The following PRRC2C variants were observed in gnomAD, a reference collection of about 807,000 sequenced individuals.
The protein encoded by PRRC2C is protein PRRC2C.
PRRC2C carries 72 observed loss-of-function variants against 317.2 expected under a neutral mutation model. The observed-to-expected ratio is 0.23, with a 90% CI of 0.19 to 0.28. PRRC2C has a LOEUF of 0.28. Among genes scored for constraint, PRRC2C ranks in the 10% least tolerant of loss-of-function variants. The pLI, the probability that PRRC2C is intolerant of heterozygous loss-of-function variation, is 1.00. For missense variants in PRRC2C, 3,074 were observed against 3,459.7 expected, an observed-to-expected ratio of 0.89 and a Z score of 2.80; for synonymous variants, 1,296 against 1,205.9, an observed-to-expected ratio of 1.07 and a Z score of -1.55.
chr1:171,513,598 T>A, intron 3 of PRRC2C: 1 of 341,054 alleles, frequency 2.9e-6, no homozygotes, highest in Non-Finnish European at 5.8e-6. Flanking sequence ...TTGTATATAC[T>A]GTAGCAAGAA....
rs773686748 is a variant in PRRC2C at position 171,541,174 on chromosome 1, G to T, written c.3708G>T (p.Gly1236=). Residue 1236 remains glycine (G), a synonymous_variant, in exon 16 of 35, where the codon GGG becomes GGT. Transcript: ENST00000647382. The surrounding 1 kb of genome is among the most constrained non-coding windows in gnomAD (Gnocchi z 4.1). ...CAAGAGCAGAGCATATACCCTCAGGGCCTCTCAGACAGCGAGAAGAAAGTG... is the reference window on the plus strand; with the variant it reads ...CAAGAGCAGAGCATATACCCTCAGGTCCTCTCAGACAGCGAGAAGAAAGTG... ...NKPRAEHIPS[G]PLRQREESET... 8 of 1,612,948 alleles carry T rather than the reference G, an allele frequency of 5.0e-6. No homozygotes were observed. The South Asian group carries it at 8.8e-5, about 18-fold the overall frequency.
intron 3 of PRRC2C, 142 bp from the exon 4 acceptor site, chr1:171,514,394 C>T: frequency 1.6e-6 from 1 of 643,918 alleles, no homozygotes; most frequent in Non-Finnish European, 2.7e-6. Flanking sequence ...AGGAATGTTG[C>T]AGAGAGAAAA....
At chr1:171,505,884 C>T (rs1670081611) in intron 1 of PRRC2C, among the ~76,000 whole-genome samples, 1 of 152,154 alleles carries the variant, frequency 6.6e-6, no homozygotes, top group Non-Finnish European at 1.5e-5. Context: ...TTACTGTACG[C>T]TTTCTATGTT....
intron 24 of PRRC2C, among the ~76,000 whole-genome samples, chr1:171,571,977 G>A (rs928679623): frequency 6.6e-6 from 1 of 151,684 alleles, no homozygotes; most frequent in Non-Finnish European, 1.5e-5. Context: ...GAGATTCAGC[G>A]CTTTTTGATG....
At chr1:171,528,797 T>C (rs1675216000) in intron 11 of PRRC2C, among the ~76,000 whole-genome samples, 1 of 152,112 alleles carries the variant, frequency 6.6e-6, no homozygotes, top group Non-Finnish European at 1.5e-5. Flanking sequence ...AGTTGATTTC[T>C]CTATCCTTCT....
At chr1:171,533,138 A>C (rs1195603531) in intron 12 of PRRC2C, among the ~76,000 whole-genome samples, 177 bp downstream of exon 12, 5 of 152,224 alleles carry the variant, frequency 3.3e-5, no homozygotes, top group African/African-American at 7.2e-5. Context: ...GTATATGAAC[A>C]GACGTCTCTG....
At position 171,541,183 on chromosome 1, in the gene PRRC2C, A is replaced by G; in HGVS notation, c.3717A>G (p.Arg1239=). 6.2e-7 allele frequency: 1 copy of G among 1,612,966 alleles called. No homozygotes were observed. The highest frequency in any genetic ancestry group is 1.1e-5 in the South Asian group (1 of 90,922). Residue 1239 remains arginine (R), a synonymous_variant, in exon 16 of 35, where the codon AGA becomes AGG. Coordinates refer to ENST00000647382, the MANE Select transcript of PRRC2C (RefSeq NM_001387844.1). The surrounding 1 kb of genome is among the most constrained non-coding windows in gnomAD (Gnocchi z 4.1). ...AGCATATACCCTCAGGGCCTCTCAG[A>G]CAGCGAGAAGAAAGTGAAACACGGA... The part of the protein sequence containing the change: ...RAEHIPSGPL[R]QREESETRSE...
At position 171,536,194 on chromosome 1, in the gene PRRC2C, C is replaced by A; in HGVS notation, c.2209C>A (p.Pro737Thr). The change falls in exon 14 of 35, where the codon CCA (proline) becomes ACA (threonine). Residue 737 changes from proline to threonine, a missense_variant. Coordinates refer to ENST00000647382, the MANE Select transcript of PRRC2C (RefSeq NM_001387844.1). ...PQHLASMGFD[P>T]RWLMMQSYMD... ...GCATTTGGCTTCTATGGGTTTTGAT[C>A]CAAGGTGGCTCATGATGCAGTCCTA... The A allele has an allele frequency of 6.2e-7, 1 of 1,613,334 alleles. No individual in the cohort carries two copies. The highest frequency in any genetic ancestry group is 8.5e-7 in the Non-Finnish European group (1 of 1,179,622).
intron 28 of PRRC2C, among the ~76,000 whole-genome samples, chr1:171,581,669 G>T (rs372212652): frequency 2.6e-5 from 4 of 152,226 alleles, no homozygotes; most frequent in African/African-American, 9.6e-5. Context: ...CTCTGAACTG[G>T]TTTCTGCAAA....
intron 23 of PRRC2C, among the ~76,000 whole-genome samples, chr1:171,569,375 A>G (rs1428367161): frequency 4.0e-5 from 6 of 151,456 alleles, no homozygotes; most frequent in Non-Finnish European, 8.8e-5. Context: ...GAATTTTAGA[A>G]AGGTGAGCTG....
At chr1:171,505,708 C>T (rs1670049745) in intron 1 of PRRC2C, among the ~76,000 whole-genome samples, 2 of 152,042 alleles carry the variant, frequency 1.3e-5, no homozygotes, top group African/African-American at 4.8e-5. Flanking sequence ...CCCTTCTATT[C>T]CTATTTATTG....
At position 171,557,440 on chromosome 1, in the gene PRRC2C, A is replaced by T; in HGVS notation, c.5328A>T (p.Leu1776Phe). ...CCTCAGCTCCACTTCCGGCAACCTT[A>T]ACTCCAGTTCCAGCCTCAACCTCAG... ...ASTSAPLPAT[L>F]TPVPASTSAP... Residue 1776 changes from leucine to phenylalanine, a missense_variant, in exon 19 of 35, where the codon TTA (leucine) becomes TTT (phenylalanine). Leu to Phe is a conservative substitution (Grantham distance 22, BLOSUM62 0). This residue lies in a region of PRRC2C where 640 missense variants were observed against 676.1 expected (regional missense o/e 0.95). Transcript: ENST00000647382. 1.9e-6 allele frequency: 3 copies of T among 1,547,442 alleles called. No individual in the cohort carries two copies. Among genetic ancestry groups the T allele is most frequent in the Non-Finnish European group, 2.6e-6 (3 of 1,144,288 alleles).
At chr1:171,577,684 T>TA (rs1288561419) in intron 26 of PRRC2C, 47 bp downstream of exon 26, 8 of 1,535,658 alleles carry the variant, frequency 5.2e-6, no homozygotes, top group Admixed American at 1.7e-5. Flanking sequence ...AATGAAGACT[T>TA]ACTAAAATGC....
At chr1:171,500,195 G>A (rs944026518) in intron 1 of PRRC2C, among the ~76,000 whole-genome samples, 1 of 152,120 alleles carries the variant, frequency 6.6e-6, no homozygotes, top group African/African-American at 2.4e-5. Context: ...GTTGAATTTA[G>A]CAAATTGCAA....
In PRRC2C at chr1:171,517,759, T is replaced by A; in HGVS notation, c.695T>A (p.Leu232Gln). 1 of 1,613,814 alleles carries A rather than the reference T, an allele frequency of 6.2e-7. No homozygotes were observed. The highest frequency in any genetic ancestry group is 8.5e-7 in the Non-Finnish European group (1 of 1,179,872). The change falls in exon 6 of 35, where the codon CTG becomes CAG. Residue 232 changes from leucine to glutamine, a missense_variant. Physicochemically the swap from Leu to Gln is moderately radical, Grantham distance 113. Coordinates refer to ENST00000647382, the MANE Select transcript of PRRC2C (RefSeq NM_001387844.1). ...GCTTGTGGTCCTCCACAGGCTAAAC[T>A]GAATGGACAGCAGGCTGCTCTCGCT... is the stretch of plus-strand genomic sequence containing the variant. Reference protein sequence around the residue: ...RIACGPPQAKLNGQQAALASQ... With the variant: ...RIACGPPQAKQNGQQAALASQ...
intron 3 of PRRC2C, among the ~76,000 whole-genome samples, chr1:171,514,258 G>T (rs1671911381): frequency 8.6e-6 from 1 of 116,130 alleles, no homozygotes; most frequent in African/African-American, 4.2e-5. Flanking sequence ...AAAAGTGTGT[G>T]TGTATGTGTG....
chr1:171,514,569 T>C lies in PRRC2C; in HGVS notation c.324T>C (p.Pro108=). The C allele has an allele frequency of 6.4e-7, 1 of 1,559,596 alleles. No homozygotes were observed. Among genetic ancestry groups the C allele is most frequent in the East Asian group, 2.4e-5 (1 of 41,414 alleles). The part of the protein sequence containing the change: ...TPEVPPAQPK[P]GVAAPPEVAP... ...AAGTGCCACCAGCACAGCCAAAACC[T>C]GGGGTTGCAGCTCCCCCAGAAGTAG... The change falls in exon 4 of 35, where the codon CCT becomes CCC. Residue 108 remains proline (P), a synonymous_variant. Coordinates refer to ENST00000647382, the MANE Select transcript of PRRC2C (RefSeq NM_001387844.1).
At position 171,584,419 on chromosome 1, in the gene PRRC2C, G is replaced by A. The variant is rs1649391604; in HGVS notation, c.7642G>A (p.Ala2548Thr). Residue 2548 changes from alanine to threonine, a missense_variant and splice_region_variant, in exon 30 of 35, where the codon GCC (alanine) becomes ACC (threonine). Transcript: ENST00000647382. Reference protein sequence around the residue: ...SQLIDTHLLQARANLTQASNL... With the variant: ...SQLIDTHLLQTRANLTQASNL... ...TGTTTTCTTAAAAAATTTTTTCTAG[G>A]CCAGAGCAAATCTTACCCAGGCCTC... The A allele has an allele frequency of 1.3e-6, 2 of 1,556,566 alleles. No homozygotes were observed. Among genetic ancestry groups the A allele is most frequent in the African/African-American group, 1.4e-5 (1 of 72,320 alleles).
intron 1 of PRRC2C, among the ~76,000 whole-genome samples, chr1:171,498,045 T>G (rs916568461): frequency 6.6e-6 from 1 of 150,660 alleles, no homozygotes; most frequent in African/African-American, 2.4e-5. Context: ...CAGGCTGGTC[T>G]TGAACTCCTG....
Sources: gnomAD v4.1 joint callset for allele counts (sites outside exome capture counted in the v4.1 genomes callset) on GRCh38, gnomAD v4.1.1 for gene constraint, gnomAD v4.1.1 regional missense constraint, Gnocchi (gnomAD v3.1) non-coding constraint, MANE v1.5 for transcripts, NCBI Gene and HGNC (gene_info 2026-07-23, HGNC 2026-07-21) for gene names.